HAAO: variants seen among roughly 807,000 people sequenced by gnomAD.
HAAO encodes the protein 3-hydroxyanthranilate oxygenase.
A neutral mutation model predicts 46.2 loss-of-function variants in HAAO; 49 were observed. That is an observed-to-expected ratio of 1.06 (90% CI 0.84 to 1.34). The LOEUF is 1.34. HAAO is among the 40% of genes most tolerant of loss of function. The probability of loss-of-function intolerance (pLI) is 0.00; values close to 1 mark genes in which losing one functional copy is unlikely to be tolerated. For synonymous variants in HAAO, 157 were observed against 145.2 expected (o/e 1.08, Z -0.58); for missense variants, 408 against 364.5 (o/e 1.12, Z -0.97).
chr2:42,769,552 T>C (rs917643182), intron 7 of HAAO, among the ~76,000 whole-genome samples, 161 bp downstream of exon 7: 4 of 152,062 alleles, frequency 2.6e-5, no homozygotes, highest in Non-Finnish European at 4.4e-5. Flanking sequence ...CCTATGCTCA[T>C]GTCTACAACC....
chr2:42,788,433 C>T, intron 2 of HAAO, 96 bp downstream of exon 2: 1 of 812,532 alleles, frequency 1.2e-6, no homozygotes. Flanking sequence ...CCTCTCCAGT[C>T]CATCATCTCT....
Position 42,783,786 on chromosome 2 carries a change from C to A in HAAO, c.241G>T (p.Glu81Ter), listed in dbSNP as rs1486834683. Residue 81 changes from glutamate (E) to a stop codon, truncating the protein, a stop_gained and splice_region_variant, in exon 3 of 10, where the codon GAG becomes TAG. Transcript: ENST00000294973. LOFTEE classifies it high-confidence loss of function. ...KHRDVVIRQG[E>*]IFLLPARVPH... Reference sequence around the variant, plus strand: ...ACCCTGCTGGGATCCGGCCTCACCTCTCCCTGCCGAATGACCACATCCCGG... The same window carrying A: ...ACCCTGCTGGGATCCGGCCTCACCTATCCCTGCCGAATGACCACATCCCGG... 2 of 1,611,546 alleles carry A rather than the reference C, an allele frequency of 1.2e-6. No individual in the cohort carries two copies. The highest frequency in any genetic ancestry group is 2.2e-5 in the South Asian group (2 of 90,422).
At chr2:42,780,733 A>C (rs1051943192) in intron 4 of HAAO, among the ~76,000 whole-genome samples, 1 of 151,684 alleles carries the variant, frequency 6.6e-6, no homozygotes, top group Non-Finnish European at 1.5e-5. Context: ...TTTCAGAGTC[A>C]AGGAAACTTT....
At chr2:42,791,877 G>A (rs1672825263) in intron 1 of HAAO, among the ~76,000 whole-genome samples, 1 of 150,748 alleles carries the variant, frequency 6.6e-6, no homozygotes, top group Non-Finnish European at 1.5e-5. Context: ...GTTGGGTGCT[G>A]CAGGCAGAGG....
intron 2 of HAAO, among the ~76,000 whole-genome samples, chr2:42,786,727 G>A (rs1439472977): frequency 1.3e-5 from 2 of 152,204 alleles, no homozygotes; most frequent in East Asian, 3.9e-4. Context: ...TGAGGTAGGT[G>A]GAGTATAGGT....
intron 7 of HAAO, 144 bp downstream of exon 7, chr2:42,769,569 A>ATGTG (rs35746707): frequency 0.045 from 26,285 of 585,158 alleles, 284 homozygotes; most frequent in Non-Finnish European, 0.056. Context: ...AACCTCTGAA[A>ATGTG]TGTGTGTGTG....
Position 42,770,723 on chromosome 2 carries a change from C to G in HAAO, c.351-141G>C, listed in dbSNP as rs537294330. On this transcript the variant is annotated intron_variant, in intron 4 of 9. Coordinates refer to ENST00000294973, the MANE Select transcript of HAAO (RefSeq NM_012205.3). ...CCCCTGTTACACACCCTAGTGGTCA[C>G]TGGTCACTTAACACCTTGCTCTTCA... The G allele has an allele frequency of 9.1e-5, 50 of 548,350 alleles. 1 individual carries two copies. In the South Asian group the frequency reaches 1.3e-3, roughly 14 times the overall value. 34.0% of individuals were successfully genotyped at this position (548,350 alleles called of 1,614,324 possible). A position where few individuals can be genotyped will look rare whatever the true frequency, so the allele number is the denominator to read the frequency against.
chr2:42,770,033 A>C, intron 6 of HAAO, 110 bp downstream of exon 6: 1 of 1,145,482 alleles, frequency 8.7e-7, no homozygotes, highest in South Asian at 1.4e-5. Context: ...TAGTACCTTG[A>C]GGACTGGGCA....
Position 42,767,551 on chromosome 2 carries a change from T to C in HAAO, c.783-36A>G, listed in dbSNP as rs373586539. The C allele has an allele frequency of 2.1e-5, 34 of 1,592,822 alleles. No individual in the cohort carries two copies. In the East Asian group the frequency reaches 7.2e-4, roughly 34 times the overall value. Reference sequence around the variant, plus strand: ...ACAGATGAGCAGGGATCACACAGAGTTGGACCCTGAGGATCCCAGGGAAAG... The same window carrying C: ...ACAGATGAGCAGGGATCACACAGAGCTGGACCCTGAGGATCCCAGGGAAAG... On this transcript the variant is annotated intron_variant, in intron 9 of 9. Coordinates refer to ENST00000294973, the MANE Select transcript of HAAO (RefSeq NM_012205.3).
At chr2:42,769,623 G>GAGAGAGAGGC (rs1670949101) in intron 7 of HAAO, 90 bp downstream of exon 7, 1 of 79,346 alleles carries the variant, frequency 1.3e-5, no homozygotes. Context: ...GTGTGAAAGA[G>GAGAGAGAGGC]AGAGAGAGAG....
chr2:42,770,641 C>T (rs1311008852), intron 4 of HAAO, 59 bp from the exon 5 acceptor site: 4 of 1,067,072 alleles, frequency 3.7e-6, no homozygotes, highest in Non-Finnish European at 4.1e-6. Flanking sequence ...TCAGGGCAGC[C>T]CCACTCAGGC....
At position 42,767,462 on chromosome 2, in the gene HAAO, G is replaced by C; in HGVS notation, c.836C>G (p.Pro279Arg). ...TCACCCCAGGGGCTTCTTGCAGGCA[G>C]GGTCCTGGGTCACAGACAGGGCCAC... ...GSVALSVTQD[P>R]ACKKPLG Residue 279 changes from proline (P) to arginine (R), a missense_variant, in exon 10 of 10, where the codon CCT becomes CGT. By Grantham distance (103) the Pro-to-Arg change is moderately radical (BLOSUM62 -2). Transcript: ENST00000294973. The C allele has an allele frequency of 6.2e-7, 1 of 1,613,224 alleles. No individual in the cohort carries two copies. The highest frequency in any genetic ancestry group is 8.5e-7 in the Non-Finnish European group (1 of 1,179,634).
chr2:42,780,079 T>C (rs1671872368), intron 4 of HAAO, among the ~76,000 whole-genome samples: 1 of 152,222 alleles, frequency 6.6e-6, no homozygotes, highest in Non-Finnish European at 1.5e-5. Flanking sequence ...GTAACAAATT[T>C]CCTTGCCAAC....
chr2:42,771,329 G>A (rs1210663914), intron 4 of HAAO, among the ~76,000 whole-genome samples: 1 of 151,964 alleles, frequency 6.6e-6, no homozygotes, highest in Non-Finnish European at 1.5e-5. Context: ...TTGGGAGGCC[G>A]AGGCAGGAGA....
At chr2:42,782,330 T>C (rs1672063180) in intron 4 of HAAO, among the ~76,000 whole-genome samples, 1 of 152,188 alleles carries the variant, frequency 6.6e-6, no homozygotes, top group Non-Finnish European at 1.5e-5. Context: ...CTATATCGAT[T>C]TTCCAGGATT....
At chr2:42,777,081 C>G (rs567944481) in intron 4 of HAAO, among the ~76,000 whole-genome samples, 1 of 151,870 alleles carries the variant, frequency 6.6e-6, no homozygotes, top group Admixed American at 6.6e-5. Flanking sequence ...GTGGGTTGAT[C>G]ACCTGAGATC....
chr2:42,779,472 C>G (rs1671830172), intron 4 of HAAO, among the ~76,000 whole-genome samples: 1 of 152,078 alleles, frequency 6.6e-6, no homozygotes, highest in South Asian at 2.1e-4. Context: ...CAGGTGCACA[C>G]CACCACACCC....
At position 42,770,173 on chromosome 2, in the gene HAAO, C is replaced by G; in HGVS notation, c.454G>C (p.Glu152Gln). The G allele has an allele frequency of 6.2e-7, 1 of 1,601,510 alleles. No individual in the cohort carries two copies. Among genetic ancestry groups the G allele is most frequent in the Non-Finnish European group, 8.5e-7 (1 of 1,172,962 alleles). The change falls in exon 6 of 10, where the codon GAG becomes CAG. Residue 152 changes from glutamate to glutamine, a missense_variant. Glu to Gln is a conservative substitution (Grantham distance 29). Transcript: ENST00000294973. ...ATGGGCTTTCCTGTTCTGTACTGCT[C>G]AGAGCTGAAGAACCTGCAAGGACGA... ...APIIQEFFSS[E>Q]QYRTGKPIPD...
At chr2:42,786,296 A>T (rs901796446) in intron 2 of HAAO, among the ~76,000 whole-genome samples, 2 of 152,170 alleles carry the variant, frequency 1.3e-5, no homozygotes, top group Non-Finnish European at 2.9e-5. Context: ...AACAGCAGAA[A>T]ATCCTGAACA....
Sources: gnomAD v4.1 joint callset for allele counts (sites outside exome capture counted in the v4.1 genomes callset) on GRCh38, gnomAD v4.1.1 for gene constraint, MANE v1.5 for transcripts, NCBI Gene and HGNC (gene_info 2026-07-23, HGNC 2026-07-21) for gene names.